Variants in TSNARE1 observed in about 807,000 individuals in gnomAD.
TSNARE1 encodes the protein t-SNARE domain-containing protein 1.
A neutral mutation model predicts 62.0 loss-of-function variants in TSNARE1; 49 were observed. The ratio of observed to expected loss-of-function variants is 0.79; its 90% CI spans 0.63 to 1.00. The LOEUF is 1.00. Among genes scored for constraint, TSNARE1 ranks in the 50% least tolerant of loss-of-function variants. TSNARE1 has a pLI of 0.00. For missense variants in TSNARE1, 755 were observed against 700.1 expected (o/e 1.08, Z -0.88); for synonymous variants, 328 against 294.4 (o/e 1.11, Z -1.17).
At chr8:142,400,731 G>A (rs1838229308) in intron 1 of TSNARE1, among the ~76,000 whole-genome samples, 1 of 152,202 alleles carries the variant, frequency 6.6e-6, no homozygotes, top group South Asian at 2.1e-4. Flanking sequence ...CACTCAGAGG[G>A]ATAAAACGCC....
chr8:142,266,600 C>T (rs920356870), intron 12 of TSNARE1, among the ~76,000 whole-genome samples: 6 of 152,212 alleles, frequency 3.9e-5, no homozygotes, highest in African/African-American at 1.4e-4. Context: ...GCAAATTTGT[C>T]ATCACTTCTC....
intron 12 of TSNARE1, among the ~76,000 whole-genome samples, chr8:142,248,917 G>C (rs1054904395): frequency 2.6e-5 from 4 of 152,216 alleles, no homozygotes. Flanking sequence ...TCAGCAGGGA[G>C]GGCACTGCTG....
chr8:142,350,543 T>C (rs1833968848), intron 2 of TSNARE1, among the ~76,000 whole-genome samples: 1 of 152,224 alleles, frequency 6.6e-6, no homozygotes, highest in African/African-American at 2.4e-5. Flanking sequence ...TACATAATCC[T>C]GTTCTTCCAC....
At chr8:142,270,504 T>TATATATATATATATATATATA (rs1819433657) in intron 12 of TSNARE1, 1 of 864,434 alleles carries the variant, frequency 1.2e-6, no homozygotes, top group Non-Finnish European at 1.3e-6. Flanking sequence ...ATATATATAT[T>TATATATATATATATATATATA]TATGTATTTA....
At chr8:142,276,582 T>G (rs1820539199) in intron 11 of TSNARE1, 1 of 985,246 alleles carries the variant, frequency 1.0e-6, no homozygotes, top group African/African-American at 1.7e-5. Flanking sequence ...CTAACACAGG[T>G]GGTGCTGGAC....
intron 11 of TSNARE1, among the ~76,000 whole-genome samples, chr8:142,282,594 A>G (rs1260767925): frequency 4.2e-4 from 52 of 124,770 alleles, no homozygotes; most frequent in Middle Eastern, 6.0e-3. Context: ...GCCAGTGTCT[A>G]TCAATGAGCA....
intron 4 of TSNARE1, among the ~76,000 whole-genome samples, chr8:142,337,711 C>T (rs1831952177): frequency 6.6e-6 from 1 of 152,242 alleles, no homozygotes; most frequent in African/African-American, 2.4e-5. Context: ...TGCGACACCG[C>T]AGCCCCACCA....
chr8:142,300,561 C>T lies in TSNARE1; in HGVS notation c.1215G>A (p.Gln405=). The part of the protein sequence containing the change: ...GSDNMWQGQE[Q]ALLPDITEED... ...CTTCAGTGATGTCCGGGAGCAGCGC[C>T]TGCTCCTGGCCCTGCCACATGTTGT... Residue 405 remains glutamine, a synonymous_variant, in exon 10 of 14, where the codon CAG becomes CAA. Coordinates refer to ENST00000524325, the MANE Select transcript of TSNARE1 (RefSeq NM_145003.5). The T allele has an allele frequency of 6.2e-7, 1 of 1,613,114 alleles. No homozygotes were observed.
chr8:142,236,545 G>T (rs774759363), intron 12 of TSNARE1, among the ~76,000 whole-genome samples: 1 of 150,212 alleles, frequency 6.7e-6, no homozygotes, highest in Non-Finnish European at 1.5e-5. Flanking sequence ...GAAGTCCCAG[G>T]CTGATCCCCA....
At position 142,291,833 on chromosome 8, in the gene TSNARE1, A is replaced by C. The variant is rs554934686; in HGVS notation, c.1291-7348T>G. On this transcript the variant is annotated intron_variant, in intron 10 of 13. Coordinates refer to ENST00000524325, the MANE Select transcript of TSNARE1 (RefSeq NM_145003.5). This position sits in a 1 kb window ranked among gnomAD's most constrained non-coding sequence, Gnocchi z 4.8. ...GGTGCTCTGGGCCTCGGGCAATAGG[A>C]ACCAGGAGCAGGGGTGGCCGGGCCT... 3.9e-5 allele frequency among the ~76,000 whole-genome samples: 6 copies of C among 152,134 alleles called. No homozygotes were observed. In the South Asian group the frequency reaches 1.2e-3, roughly 32 times the overall value.
intron 12 of TSNARE1, chr8:142,272,910 T>G (rs1586930519): frequency 1.0e-6 from 1 of 984,058 alleles, no homozygotes; most frequent in South Asian, 4.7e-5. Context: ...CGCAGGCAGG[T>G]GGGAGCAGGA....
intron 11 of TSNARE1, chr8:142,279,830 G>T (rs921268649): frequency 7.9e-6 from 8 of 1,009,754 alleles, no homozygotes; most frequent in Non-Finnish European, 9.5e-6. Flanking sequence ...TGTGGTCCGG[G>T]GGGGCGGGCT....
At chr8:142,286,230 G>C (rs1226560645) in intron 10 of TSNARE1, among the ~76,000 whole-genome samples, 3 of 152,208 alleles carry the variant, frequency 2.0e-5, no homozygotes, top group African/African-American at 7.2e-5. Flanking sequence ...CCAAGTCCAG[G>C]GGAAGATCCT....
intron 12 of TSNARE1, among the ~76,000 whole-genome samples, chr8:142,267,235 ATTC>A (rs539197873): frequency 7.9e-4 from 120 of 152,222 alleles, no homozygotes; most frequent in African/African-American, 2.6e-3. Flanking sequence ...GGCCCAAAAG[ATTC>A]TTCTTATTTT....
intron 6 of TSNARE1, among the ~76,000 whole-genome samples, chr8:142,329,590 C>T (rs1830723231): frequency 6.6e-6 from 1 of 152,214 alleles, no homozygotes; most frequent in African/African-American, 2.4e-5. Flanking sequence ...AAGTTATCTG[C>T]ATCAACAGGG....
At chr8:142,346,625 C>T (rs1265237749) in intron 2 of TSNARE1, among the ~76,000 whole-genome samples, 1 of 152,380 alleles carries the variant, frequency 6.6e-6, no homozygotes, top group East Asian at 1.9e-4. Context: ...CGAAGCCAGA[C>T]CCCGCGTGCC....
chr8:142,297,508 C>T (rs4350094), intron 10 of TSNARE1, among the ~76,000 whole-genome samples: 81,949 of 152,052 alleles, frequency 0.54, 23,244 homozygotes, highest in African/African-American at 0.72. Context: ...TCTGAACCTA[C>T]AAAATCTTGC....
At chr8:142,307,108 G>A (rs368073761) in intron 9 of TSNARE1, among the ~76,000 whole-genome samples, 1 of 152,080 alleles carries the variant, frequency 6.6e-6, no homozygotes, top group Admixed American at 6.6e-5. Flanking sequence ...TATGTCCGAG[G>A]CATCACTGGT....
At position 142,222,103 on chromosome 8, in the gene TSNARE1, CACTCACTCATCCACTCA is replaced by C. The variant is rs1182393177; in HGVS notation, c.*11+7353_*11+7369del. On this transcript the variant is annotated intron_variant, in intron 13 of 13. Coordinates refer to ENST00000524325, the MANE Select transcript of TSNARE1 (RefSeq NM_145003.5). ...CACTCCTTCACTCACTCATCCACTC[CACTCACTCATCCACTCA>C]TTCACTCACTCATCCACTCATTCAC... Among the ~76,000 whole-genome samples the C allele has an allele frequency of 1.6e-3, 17 of 10,938 alleles. 3 individuals carry two copies. The highest frequency in any genetic ancestry group is 2.3e-3 in the African/African-American group (4 of 1,774). The allele number at this position is 10,938 out of a possible 152,430, so 7.2% of individuals were successfully genotyped here. A position where few individuals can be genotyped will look rare whatever the true frequency, so the allele number is the denominator to read the frequency against.
Sources: gnomAD v4.1 joint callset for allele counts (sites outside exome capture counted in the v4.1 genomes callset) on GRCh38, gnomAD v4.1.1 for gene constraint, Gnocchi (gnomAD v3.1) non-coding constraint, MANE v1.5 for transcripts, NCBI Gene and HGNC (gene_info 2026-07-23, HGNC 2026-07-21) for gene names.